Variants in ALDH1A2 observed in about 807,000 individuals in gnomAD.
ALDH1A2 encodes the protein retinal dehydrogenase 2.
A neutral mutation model predicts 60.3 loss-of-function variants in ALDH1A2; 27 were observed. The ratio of observed to expected loss-of-function variants is 0.45; its 90% CI spans 0.33 to 0.62. The LOEUF is 0.62. Among genes scored for constraint, ALDH1A2 ranks in the 20% least tolerant of loss-of-function variants. The pLI, the probability that ALDH1A2 is intolerant of heterozygous loss-of-function variation, is 0.02. For missense variants in ALDH1A2, 581 were observed against 643.8 expected, an observed-to-expected ratio of 0.90 and a Z score of 1.06; for synonymous variants, 289 against 232.4, an observed-to-expected ratio of 1.24 and a Z score of -2.21.
At position 57,985,206 on chromosome 15, in the gene ALDH1A2, C is replaced by A. The variant is rs978127822; in HGVS notation, c.798+7499G>T. Among the ~76,000 whole-genome samples the A allele has an allele frequency of 3.3e-5, 5 of 152,192 alleles. No homozygotes were observed. The East Asian group carries it at 9.6e-4, about 29-fold the overall frequency. On this transcript the variant is annotated intron_variant, in intron 7 of 12. Coordinates refer to ENST00000249750, the MANE Select transcript of ALDH1A2 (RefSeq NM_003888.4). ...CTGACTCCCAACGTTTCTCCCCAGT[C>A]CCTTCCCAATTCCGTTATTCCACTA...
intron 7 of ALDH1A2, among the ~76,000 whole-genome samples, chr15:57,985,297 T>C (rs1450046341): frequency 1.3e-5 from 2 of 152,202 alleles, no homozygotes; most frequent in Non-Finnish European, 2.9e-5. Flanking sequence ...TTCACTCTAC[T>C]TATCTATATC....
chr15:58,009,214 C>G (rs1026222580), intron 4 of ALDH1A2, among the ~76,000 whole-genome samples: 7 of 152,176 alleles, frequency 4.6e-5, no homozygotes, highest in Middle Eastern at 3.4e-3. Flanking sequence ...GGCATCACAA[C>G]AGCCACCTAA....
intron 4 of ALDH1A2, among the ~76,000 whole-genome samples, chr15:57,999,773 T>C (rs12909865): frequency 2.3e-4 from 35 of 151,904 alleles, no homozygotes; most frequent in Non-Finnish European, 4.4e-4. Context: ...TGTATGTTCA[T>C]TGCAGCACTA....
chr15:58,034,547 A>G (rs1416383283), intron 1 of ALDH1A2, among the ~76,000 whole-genome samples: 1 of 151,712 alleles, frequency 6.6e-6, no homozygotes, highest in Non-Finnish European at 1.5e-5. Flanking sequence ...TCCCAGTCAT[A>G]GTGGGAAAGC....
chr15:57,971,403 T>A (rs1894062216), intron 7 of ALDH1A2, among the ~76,000 whole-genome samples: 1 of 152,114 alleles, frequency 6.6e-6, no homozygotes, highest in Admixed American at 6.5e-5. Context: ...CCGACTACAA[T>A]GACTGACTTT....
At chr15:58,052,457 A>T (rs1191816828) in intron 1 of ALDH1A2, among the ~76,000 whole-genome samples, 2 of 151,914 alleles carry the variant, frequency 1.3e-5, no homozygotes, top group African/African-American at 2.4e-5. Context: ...TGTTACCAGG[A>T]TTTATTTTTT....
intron 8 of ALDH1A2, 33 bp downstream of exon 8, chr15:57,965,692 G>A: frequency 6.9e-7 from 1 of 1,453,974 alleles, no homozygotes; most frequent in South Asian, 1.1e-5. Context: ...AGGGTGTGTG[G>A]TGGTTCATGT....
chr15:58,021,700 C>G (rs1365912048), intron 1 of ALDH1A2, among the ~76,000 whole-genome samples: 1 of 152,256 alleles, frequency 6.6e-6, no homozygotes, highest in Non-Finnish European at 1.5e-5. Context: ...TGGGGCCCAG[C>G]AGTTCCAGGA....
At chr15:58,025,114 G>C (rs546679978) in intron 1 of ALDH1A2, among the ~76,000 whole-genome samples, 12 of 151,970 alleles carry the variant, frequency 7.9e-5, no homozygotes, top group South Asian at 2.1e-4. Context: ...CTTTATCAAT[G>C]TACCTTGAGA....
chr15:57,966,636 A>T (rs2140455677), intron 7 of ALDH1A2, among the ~76,000 whole-genome samples: 1 of 152,322 alleles, frequency 6.6e-6, no homozygotes, highest in Admixed American at 6.5e-5. Flanking sequence ...GCCCTCTTCC[A>T]AGTGGCCCAT....
chr15:58,039,367 C>T (rs1896457236), intron 1 of ALDH1A2, among the ~76,000 whole-genome samples: 1 of 151,520 alleles, frequency 6.6e-6, no homozygotes, highest in South Asian at 2.1e-4. Context: ...CCGTCCTAAA[C>T]ACCAGATGAA....
chr15:57,958,683 A>C (rs1216915550), intron 12 of ALDH1A2, among the ~76,000 whole-genome samples: 2 of 151,638 alleles, frequency 1.3e-5, no homozygotes, highest in Non-Finnish European at 2.9e-5. Flanking sequence ...ACGGAGGATT[A>C]AGTGGAGTTT....
At chr15:58,061,221 C>T (rs1171412430) in intron 1 of ALDH1A2, among the ~76,000 whole-genome samples, 4 of 151,962 alleles carry the variant, frequency 2.6e-5, no homozygotes, top group African/African-American at 2.4e-5. Flanking sequence ...TCCAGCTTCC[C>T]TGTGTTAAAT....
chr15:57,997,666 A>G (rs1895110471), intron 4 of ALDH1A2, among the ~76,000 whole-genome samples: 2 of 151,938 alleles, frequency 1.3e-5, no homozygotes, highest in South Asian at 4.1e-4. Context: ...AAATAATATC[A>G]CAAGTTACCG....
rs112090869 is a variant in ALDH1A2 at position 57,982,526 on chromosome 15, G to A, written c.798+10179C>T. ...TTTGTTTTCTTTTAAGAGACTCTAAGTAAAGGATGAAGAGAAATTAACTCA... is the reference window on the plus strand; with the variant it reads ...TTTGTTTTCTTTTAAGAGACTCTAAATAAAGGATGAAGAGAAATTAACTCA... On this transcript the variant is annotated intron_variant, in intron 7 of 12. Coordinates refer to ENST00000249750, the MANE Select transcript of ALDH1A2 (RefSeq NM_003888.4). Among the ~76,000 whole-genome samples, 9 of 152,268 alleles carry A rather than the reference G, an allele frequency of 5.9e-5. 1 individual carries two copies. Among genetic ancestry groups the A allele is most frequent in the African/African-American group, 2.2e-4 (9 of 41,556 alleles).
chr15:58,046,502 T>C (rs578123869), intron 1 of ALDH1A2, among the ~76,000 whole-genome samples: 7 of 152,140 alleles, frequency 4.6e-5, no homozygotes, highest in African/African-American at 4.8e-5. Context: ...ATCTTCCTCA[T>C]AGAACAACCT....
rs375866999 is a variant in ALDH1A2, at chr15:58,051,194, G to C, written c.117+14340C>G. Among the ~76,000 whole-genome samples the C allele has an allele frequency of 2.1e-4, 32 of 152,084 alleles. No homozygotes were observed. In the East Asian group the frequency reaches 5.4e-3, roughly 26 times the overall value. On this transcript the variant is annotated intron_variant, in intron 1 of 12. Coordinates refer to ENST00000249750, the MANE Select transcript of ALDH1A2 (RefSeq NM_003888.4). ...AATGTGATGCTTCCTCTTACCCCAG[G>C]AACTGGATTATAATATTATTTGCAG...
At chr15:58,000,646 C>A (rs1282050340) in intron 4 of ALDH1A2, among the ~76,000 whole-genome samples, 3 of 151,890 alleles carry the variant, frequency 2.0e-5, no homozygotes, top group East Asian at 1.9e-4. Flanking sequence ...AGTTTACTTG[C>A]TTACTGTATA....
Position 58,032,832 on chromosome 15 carries a change from ATAT to A in ALDH1A2, c.118-18554_118-18552del, listed in dbSNP as rs1896278591. ...CACACACACGTGCGTACCCAACGGA[ATAT>A]TATTTAGCCATAGAAAAGAAATGAA... is the stretch of plus-strand genomic sequence containing the variant. On this transcript the variant is annotated intron_variant, in intron 1 of 12. Coordinates refer to ENST00000249750, the MANE Select transcript of ALDH1A2 (RefSeq NM_003888.4). Among the ~76,000 whole-genome samples, 7 of 152,092 alleles carry A rather than the reference ATAT, an allele frequency of 4.6e-5. No individual in the cohort carries two copies. In the South Asian group the frequency reaches 1.5e-3, roughly 32 times the overall value.
Sources: allele counts gnomAD v4.1 joint callset (sites outside exome capture counted in the v4.1 genomes callset), GRCh38; gene constraint gnomAD v4.1.1; transcripts MANE v1.5; gene names NCBI Gene and HGNC (gene_info 2026-07-23, HGNC 2026-07-21).